The following MIS18A variants were observed in gnomAD, a reference collection of about 807,000 sequenced individuals.
MIS18A encodes the protein protein Mis18-alpha.
Under a neutral mutation model 25.0 loss-of-function variants are expected in MIS18A, and 14 were observed. That is an observed-to-expected ratio of 0.56 (90% confidence interval 0.37 to 0.88). The LOEUF is 0.88. MIS18A is among the 40% of genes least tolerant of loss of function. The pLI is 0.00. For synonymous variants in MIS18A, 134 were observed against 118.6 expected (o/e 1.13, Z -0.84); for missense variants, 292 against 290.8 (o/e 1.00, Z -0.03).
the MIS18A span, among the ~76,000 whole-genome samples, chr21:32,169,667 A>G: frequency 6.6e-6 from 1 of 152,128 alleles, no homozygotes; most frequent in African/African-American, 2.4e-5. Flanking sequence ...CACTGAAGAT[A>G]TACCCCGACA....
At chr21:32,219,346 G>A in the MIS18A span, among the ~76,000 whole-genome samples, 1 of 152,122 alleles carries the variant, frequency 6.6e-6, no homozygotes, top group Non-Finnish European at 1.5e-5. Context: ...GCAGGGTGGG[G>A]TGTTGCCTCA....
chr21:32,154,952 CTA>C, the MIS18A span, among the ~76,000 whole-genome samples: 2 of 152,170 alleles, frequency 1.3e-5, no homozygotes, highest in Non-Finnish European at 2.9e-5. Flanking sequence ...TTTTTAACTT[CTA>C]TGTGTTGAGC....
Position 32,278,697 on chromosome 21 carries a change from G to A in MIS18A, c.318C>T (p.Asn106=). 1 of 1,567,126 alleles carries A rather than the reference G, an allele frequency of 6.4e-7. No homozygotes were observed. The highest frequency in any genetic ancestry group is 8.6e-7 in the Non-Finnish European group (1 of 1,162,630). The change falls in exon 1 of 5, where the codon AAC becomes AAT. Residue 106 remains asparagine (N), a synonymous_variant. Coordinates refer to ENST00000290130, the MANE Select transcript of MIS18A (RefSeq NM_018944.3). Reference sequence around the variant, plus strand: ...CCAACTGACAGCGAAGCAGGATGCAGTTGGTGTCCTCCTGGCTGGCCACCC... The same window carrying A: ...CCAACTGACAGCGAAGCAGGATGCAATTGGTGTCCTCCTGGCTGGCCACCC... ...LSWVASQEDT[N]CILLRCVSCN...
chr21:32,257,774 C>G, the MIS18A span, among the ~76,000 whole-genome samples: 1 of 152,162 alleles, frequency 6.6e-6, no homozygotes, highest in Non-Finnish European at 1.5e-5. Context: ...CCCCAAGGCT[C>G]CAGGACTCCC....
the MIS18A span, among the ~76,000 whole-genome samples, chr21:32,206,721 A>C: frequency 3.3e-5 from 5 of 152,148 alleles, no homozygotes; most frequent in Non-Finnish European, 7.3e-5. Flanking sequence ...AAGGCTCTGA[A>C]CTGCAAACAG....
At chr21:32,166,380 T>C in the MIS18A span, among the ~76,000 whole-genome samples, 1 of 152,196 alleles carries the variant, frequency 6.6e-6, no homozygotes, top group Non-Finnish European at 1.5e-5. Context: ...CTAAATACCA[T>C]TCTCTGACAA....
At chr21:32,216,760 T>C in the MIS18A span, among the ~76,000 whole-genome samples, 1 of 152,194 alleles carries the variant, frequency 6.6e-6, no homozygotes, top group Admixed American at 6.5e-5. Flanking sequence ...GTTTTTAACT[T>C]CTTGACTGAA....
chr21:32,193,243 G>C, the MIS18A span, among the ~76,000 whole-genome samples: 43 of 152,248 alleles, frequency 2.8e-4, no homozygotes, highest in Middle Eastern at 3.4e-3. Flanking sequence ...GGACAGTCCT[G>C]TCCTTAACTG....
the MIS18A span, among the ~76,000 whole-genome samples, chr21:32,217,652 T>G: frequency 7.2e-4 from 109 of 152,178 alleles, no homozygotes; most frequent in African/African-American, 2.4e-3. Flanking sequence ...TCAAAGAGAC[T>G]CACACAGAGA....
chr21:32,161,756 T>C, the MIS18A span, among the ~76,000 whole-genome samples: 1 of 149,954 alleles, frequency 6.7e-6, no homozygotes, highest in Non-Finnish European at 1.5e-5. Context: ...CCTCCCAAAG[T>C]GCTGGGATTA....
chr21:32,256,963 C>A, the MIS18A span, among the ~76,000 whole-genome samples: 8 of 152,152 alleles, frequency 5.3e-5, no homozygotes, highest in Non-Finnish European at 1.5e-5. Flanking sequence ...TGTTTTCCCC[C>A]ACCCTGGCTC....
chr21:32,216,586 A>C, the MIS18A span, among the ~76,000 whole-genome samples: 48 of 152,378 alleles, frequency 3.2e-4, no homozygotes, highest in African/African-American at 1.2e-3. Flanking sequence ...GACTTGTTCA[A>C]AGAGAGCTTT....
At chr21:32,238,919 A>G in the MIS18A span, among the ~76,000 whole-genome samples, 2 of 152,222 alleles carry the variant, frequency 1.3e-5, no homozygotes, top group East Asian at 1.9e-4. Flanking sequence ...AATCATTCCA[A>G]CCTCACAGTG....
chr21:32,196,918 C>T, the MIS18A span, among the ~76,000 whole-genome samples: 3 of 151,940 alleles, frequency 2.0e-5, no homozygotes, highest in African/African-American at 7.3e-5. Context: ...ACAGTCTAAA[C>T]CTAAAGTCCA....
the MIS18A span, among the ~76,000 whole-genome samples, chr21:32,172,477 C>T: frequency 6.6e-6 from 1 of 151,992 alleles, no homozygotes; most frequent in Non-Finnish European, 1.5e-5. Flanking sequence ...TATATCAAAA[C>T]ATCATGTTGT....
the MIS18A span, among the ~76,000 whole-genome samples, chr21:32,236,706 T>C: frequency 6.6e-6 from 1 of 152,156 alleles, no homozygotes; most frequent in African/African-American, 2.4e-5. Flanking sequence ...TTTAAGGGCA[T>C]GACCTGGATC....
chr21:32,154,988 C>G, the MIS18A span, among the ~76,000 whole-genome samples: 1 of 152,154 alleles, frequency 6.6e-6, no homozygotes, highest in East Asian at 1.9e-4. Context: ...GTTTTTGTTA[C>G]AGACTTACAG....
the MIS18A span, among the ~76,000 whole-genome samples, chr21:32,242,651 A>G: frequency 6.6e-6 from 1 of 152,134 alleles, no homozygotes; most frequent in Non-Finnish European, 1.5e-5. Flanking sequence ...CCAGTGAATC[A>G]TTAGTCATTT....
At chr21:32,160,074 T>C in the MIS18A span, among the ~76,000 whole-genome samples, 1,102 of 152,324 alleles carry the variant, frequency 7.2e-3, 21 homozygotes, top group African/African-American at 0.025. Flanking sequence ...TTTCAAGGTA[T>C]GGCAAGGAAA....
Sources: gnomAD v4.1 joint callset for allele counts (sites outside exome capture counted in the v4.1 genomes callset) on GRCh38, gnomAD v4.1.1 for gene constraint, MANE v1.5 for transcripts, NCBI Gene and HGNC (gene_info 2026-07-23, HGNC 2026-07-21) for gene names.